The following ITGB5 variants were observed in gnomAD, a reference collection of about 807,000 sequenced individuals.
ITGB5 encodes the protein integrin beta-5.
ITGB5 carries 38 observed loss-of-function variants against 84.8 expected under a neutral mutation model. The observed-to-expected ratio is 0.45, with a 90% CI of 0.35 to 0.59. ITGB5 has a LOEUF of 0.59. Among genes scored for constraint, ITGB5 ranks in the 20% least tolerant of loss-of-function variants. ITGB5 has a pLI of 0.01. For synonymous variants in ITGB5, 393 were observed against 414.4 expected (o/e 0.95, Z 0.63); for missense variants, 905 against 1,034.5 (o/e 0.87, Z 1.72).
intron 5 of ITGB5, among the ~76,000 whole-genome samples, chr3:124,840,931 T>C (rs1395861642): frequency 1.3e-5 from 2 of 152,224 alleles, no homozygotes; most frequent in Admixed American, 1.3e-4. Context: ...CCCAAAGTGC[T>C]GGGATTACAG....
intron 2 of ITGB5, among the ~76,000 whole-genome samples, chr3:124,865,486 T>TTTTC (rs982327137): frequency 1.5e-5 from 2 of 130,512 alleles, no homozygotes; most frequent in African/African-American, 6.6e-5. Flanking sequence ...TTTTTCTTTT[T>TTTTC]TTTTTTTTTT....
intron 5 of ITGB5, among the ~76,000 whole-genome samples, chr3:124,837,234 G>A (rs1279066749): frequency 6.6e-6 from 1 of 152,210 alleles, no homozygotes; most frequent in Non-Finnish European, 1.5e-5. Context: ...TGAGAGAAGA[G>A]GAAAGCAGCC....
In ITGB5 at chr3:124,764,522, G is replaced by A. The variant is rs577746521; in HGVS notation, c.2173C>T (p.Leu725=). ...AGGAGGATGCTACCGACCACAGCCA[G>A]GAGGATGGTCATGGCGTTGGGGGTG... ...GNTPNAMTIL[L]AVVGSILLVG... is the part of the protein sequence containing the mutation. Residue 725 remains leucine (L), a synonymous_variant, in exon 14 of 15, where the codon CTG becomes TTG. Transcript: ENST00000296181. The A allele has an allele frequency of 4.3e-6, 7 of 1,613,934 alleles. No homozygotes were observed. In the African/African-American group the frequency reaches 8.0e-5, roughly 18 times the overall value.
Position 124,811,679 on chromosome 3 carries a change from G to A in ITGB5, c.1129-2523C>T, listed in dbSNP as rs150049960. Reference sequence around the variant, plus strand: ...GAAATGGACTCTTATGTTCTACTCAGGCCATAAGCCCCATGTTCTGATATA... The same window carrying A: ...GAAATGGACTCTTATGTTCTACTCAAGCCATAAGCCCCATGTTCTGATATA... On this transcript the variant is annotated intron_variant, in intron 8 of 14. Coordinates refer to ENST00000296181, the MANE Select transcript of ITGB5 (RefSeq NM_002213.5). 2.9e-3 allele frequency among the ~76,000 whole-genome samples: 439 copies of A among 152,276 alleles called. 4 individuals are homozygous for A. The highest frequency in any genetic ancestry group is 9.8e-3 in the African/African-American group (406 of 41,554).
rs947518331 is a variant in ITGB5 at position 124,797,444 on chromosome 3, TC to T, written c.1264-628del. Among the ~76,000 whole-genome samples, 70 of 151,556 alleles carry T rather than the reference TC, an allele frequency of 4.6e-4. 1 individual carries two copies. Among genetic ancestry groups the T allele is most frequent in the Admixed American group, 1.5e-3 (23 of 15,240 alleles). Reference sequence around the variant, plus strand: ...CTTGTCATAGCTGCATCTTTCACAATCCCCCCATGCCCCTGAGGTCTTAAAG... The same window carrying T: ...CTTGTCATAGCTGCATCTTTCACAATCCCCCATGCCCCTGAGGTCTTAAAG... On this transcript the variant is annotated intron_variant, in intron 9 of 14. Coordinates refer to ENST00000296181, the MANE Select transcript of ITGB5 (RefSeq NM_002213.5).
At chr3:124,771,038 C>T (rs750039393) in intron 11 of ITGB5, among the ~76,000 whole-genome samples, 24 of 152,206 alleles carry the variant, frequency 1.6e-4, no homozygotes, top group Non-Finnish European at 3.4e-4. Context: ...GGAAACACTC[C>T]CTAAGTATCC....
At chr3:124,801,465 A>G (rs1395293295) in intron 9 of ITGB5, among the ~76,000 whole-genome samples, 1 of 152,074 alleles carries the variant, frequency 6.6e-6, no homozygotes, top group Non-Finnish European at 1.5e-5. Flanking sequence ...GACCCAGAGC[A>G]CACAGGGTTG....
chr3:124,874,395 GAATT>G (rs987033060), intron 1 of ITGB5, among the ~76,000 whole-genome samples: 2 of 151,394 alleles, frequency 1.3e-5, no homozygotes, highest in Non-Finnish European at 2.9e-5. Flanking sequence ...CGGTTTGGAA[GAATT>G]AATATTGTCA....
intron 1 of ITGB5, among the ~76,000 whole-genome samples, chr3:124,884,664 T>C (rs1431826470): frequency 3.3e-5 from 5 of 152,020 alleles, no homozygotes; most frequent in Non-Finnish European, 7.4e-5. Context: ...TACACCATCC[T>C]GGGCAACAAG....
chr3:124,774,830 T>G (rs533498447), intron 10 of ITGB5, among the ~76,000 whole-genome samples: 2 of 152,184 alleles, frequency 1.3e-5, no homozygotes, highest in African/African-American at 4.8e-5. Flanking sequence ...GTGCTTCCTA[T>G]ATGAGCACCT....
intron 10 of ITGB5, among the ~76,000 whole-genome samples, chr3:124,775,320 G>A (rs2063909864): frequency 6.6e-6 from 1 of 152,142 alleles, no homozygotes; most frequent in Non-Finnish European, 1.5e-5. Flanking sequence ...ACAAGTGTGA[G>A]TGTATGTGTG....
Position 124,861,481 on chromosome 3 carries a change from C to CATATAT in ITGB5, c.157-2041_157-2036dup, listed in dbSNP as rs771303161. 4.3e-3 allele frequency among the ~76,000 whole-genome samples: 508 copies of CATATAT among 117,784 alleles called. 2 individuals are homozygous for CATATAT. The highest frequency in any genetic ancestry group is 0.016 in the African/African-American group (464 of 29,858). The allele number at this position is 117,784 out of a possible 152,430, so 77.3% of individuals were successfully genotyped here. A position where few individuals can be genotyped will look rare whatever the true frequency, so the allele number is the denominator to read the frequency against. On this transcript the variant is annotated intron_variant, in intron 2 of 14. Coordinates refer to ENST00000296181, the MANE Select transcript of ITGB5 (RefSeq NM_002213.5). ...ACTTTGTTAAAAAAACAAAACAAAA[C>CATATAT]ATATATATATATATACACACACACA...
chr3:124,794,109 A>G (rs547139548), intron 10 of ITGB5, among the ~76,000 whole-genome samples: 13 of 152,314 alleles, frequency 8.5e-5, no homozygotes, highest in East Asian at 1.9e-4. Flanking sequence ...ACCCATCCCA[A>G]TTGGAAGACC....
chr3:124,824,924 C>T (rs1327341652), intron 5 of ITGB5, among the ~76,000 whole-genome samples: 1 of 152,170 alleles, frequency 6.6e-6, no homozygotes, highest in Non-Finnish European at 1.5e-5. Flanking sequence ...CGAGGCCTGG[C>T]GCGGTGGCTC....
At chr3:124,818,340 G>A (rs1348469256) in intron 7 of ITGB5, among the ~76,000 whole-genome samples, 1 of 152,044 alleles carries the variant, frequency 6.6e-6, no homozygotes, top group Non-Finnish European at 1.5e-5. Flanking sequence ...TGCCTGCCTT[G>A]GGACTGGATG....
chr3:124,896,738 C>G (rs1935109959), intron 1 of ITGB5, among the ~76,000 whole-genome samples: 1 of 101,932 alleles, frequency 9.8e-6, no homozygotes, highest in South Asian at 3.8e-4. Context: ...CAGAGTGAGA[C>G]CTTGTCTTAA....
At chr3:124,837,544 A>C (rs1385897188) in intron 5 of ITGB5, among the ~76,000 whole-genome samples, 3 of 152,210 alleles carry the variant, frequency 2.0e-5, no homozygotes, top group Non-Finnish European at 4.4e-5. Context: ...GCAGGGGATA[A>C]ATAAAGCAAC....
chr3:124,855,932 C>T (rs1579300755), intron 3 of ITGB5, among the ~76,000 whole-genome samples: 2 of 152,096 alleles, frequency 1.3e-5, no homozygotes, highest in Admixed American at 6.6e-5. Flanking sequence ...GCAAACCTGC[C>T]GTTACTCAAA....
intron 8 of ITGB5, among the ~76,000 whole-genome samples, chr3:124,810,534 G>A (rs1317985688): frequency 6.6e-6 from 1 of 152,082 alleles, no homozygotes; most frequent in Non-Finnish European, 1.5e-5. Flanking sequence ...GGAGTTCAAG[G>A]CTGCAATGAG....
Sources: allele counts gnomAD v4.1 joint callset (sites outside exome capture counted in the v4.1 genomes callset), GRCh38; gene constraint gnomAD v4.1.1; transcripts MANE v1.5; gene names NCBI Gene and HGNC (gene_info 2026-07-23, HGNC 2026-07-21).